The following GULP1 variants were observed in gnomAD, a reference collection of about 807,000 sequenced individuals.
GULP1 encodes PTB domain-containing engulfment adapter protein 1.
A neutral mutation model predicts 40.9 loss-of-function variants in GULP1; 19 were observed. The observed-to-expected ratio is 0.46, with a 90% confidence interval of 0.32 to 0.68. GULP1 has a LOEUF of 0.68. Ranked by LOEUF, GULP1 falls within the 30% of genes least tolerant of loss-of-function variation. The probability of loss-of-function intolerance (pLI) is 0.03; values close to 1 mark genes in which losing one functional copy is unlikely to be tolerated. For synonymous variants in GULP1, 119 were observed against 117.6 expected, an observed-to-expected ratio of 1.01 and a Z score of -0.08; for missense variants, 312 against 362.2, an observed-to-expected ratio of 0.86 and a Z score of 1.12.
At position 188,458,959 on chromosome 2, in the gene GULP1, T is replaced by G. The variant is rs544543099; in HGVS notation, c.-44-18700T>G. On this transcript the variant is annotated intron_variant, in intron 2 of 11. Coordinates refer to ENST00000409830, the MANE Select transcript of GULP1 (RefSeq NM_016315.4). Reference sequence around the variant, plus strand: ...AGATCATGGGGTGTCTGTCTTTCTGTGCCTGGCCTATTTCACTGAACATAA... The same window carrying G: ...AGATCATGGGGTGTCTGTCTTTCTGGGCCTGGCCTATTTCACTGAACATAA... Among the ~76,000 whole-genome samples, 19 of 152,314 alleles carry G rather than the reference T, an allele frequency of 1.2e-4. No individual in the cohort carries two copies. In the South Asian group the frequency reaches 3.1e-3, roughly 25 times the overall value.
At chr2:188,544,747 C>T (rs911673257) in intron 7 of GULP1, among the ~76,000 whole-genome samples, 2 of 151,686 alleles carry the variant, frequency 1.3e-5, no homozygotes, top group African/African-American at 2.4e-5. Flanking sequence ...ACTGTGGGAC[C>T]GTAACAAAAT....
At chr2:188,429,323 C>CA (rs2056585547) in intron 2 of GULP1, among the ~76,000 whole-genome samples, 1 of 152,066 alleles carries the variant, frequency 6.6e-6, no homozygotes, top group Non-Finnish European at 1.5e-5. Flanking sequence ...GCCAACATGG[C>CA]AAAACCCTGT....
Position 188,491,225 on chromosome 2 carries a change from C to G in GULP1, c.90+7733C>G, listed in dbSNP as rs116727587. Among the ~76,000 whole-genome samples, 303 of 151,434 alleles carry G rather than the reference C, an allele frequency of 2.0e-3. 2 individuals are homozygous for G. The highest frequency in any genetic ancestry group is 7.1e-3 in the African/African-American group (292 of 41,256). On this transcript the variant is annotated intron_variant, in intron 4 of 11. Transcript: ENST00000409830. ...GGACTGTGAGACTTAAGGATCTGAG[C>G]AGAAAGGAAAAGTAGAGATTACAGT...
intron 4 of GULP1, among the ~76,000 whole-genome samples, chr2:188,511,031 A>G (rs1311094396): frequency 6.6e-6 from 1 of 152,058 alleles, no homozygotes; most frequent in Non-Finnish European, 1.5e-5. Context: ...ATTCTGTGCT[A>G]GTCGCTGGTT....
rs570731912 is a variant in GULP1 at position 188,327,680 on chromosome 2, T to C, written c.-172+35514T>C. On this transcript the variant is annotated intron_variant, in intron 1 of 11. Coordinates refer to ENST00000409830, the MANE Select transcript of GULP1 (RefSeq NM_016315.4). ...TTCTACTCCTATTTGTCATATTTCTTTTAGTGTAAAAAATGGTGTTAGAGT... is the reference window on the plus strand; with the variant it reads ...TTCTACTCCTATTTGTCATATTTCTCTTAGTGTAAAAAATGGTGTTAGAGT... Among the ~76,000 whole-genome samples, 89 of 152,224 alleles carry C rather than the reference T, an allele frequency of 5.8e-4. 1 individual carries two copies. The highest frequency in any genetic ancestry group is 2.1e-3 in the African/African-American group (89 of 41,562).
At chr2:188,379,548 C>T (rs2048741678) in intron 1 of GULP1, among the ~76,000 whole-genome samples, 1 of 152,100 alleles carries the variant, frequency 6.6e-6, no homozygotes, top group Non-Finnish European at 1.5e-5. Context: ...TTGCTTGTCT[C>T]ATCCCCTCCC....
chr2:188,446,820 A>C (rs1453948290), intron 2 of GULP1, among the ~76,000 whole-genome samples: 1 of 148,312 alleles, frequency 6.7e-6, no homozygotes, highest in Non-Finnish European at 1.5e-5. Context: ...CATTTGACAT[A>C]TTTTGGAATA....
intron 2 of GULP1, among the ~76,000 whole-genome samples, chr2:188,469,594 A>G (rs1489379872): frequency 6.6e-6 from 1 of 152,056 alleles, no homozygotes; most frequent in African/African-American, 2.4e-5. Context: ...AGCAAGAGAG[A>G]GTGAATAGCA....
At chr2:188,555,613 A>C (rs2153389941) in intron 7 of GULP1, among the ~76,000 whole-genome samples, 1 of 152,228 alleles carries the variant, frequency 6.6e-6, no homozygotes, top group African/African-American at 2.4e-5. Context: ...AGGTGACTAG[A>C]CGCTTTCCTC....
intron 11 of GULP1, chr2:188,588,284 G>A (rs1702826401): frequency 8.8e-6 from 2 of 227,984 alleles, no homozygotes; most frequent in Non-Finnish European, 1.8e-5. Context: ...TTTGATCTCA[G>A]TCTTAACAAT....
chr2:188,594,063 T>C lies in GULP1; in HGVS notation c.*52T>C, dbSNP rs769804495. 1.1e-6 allele frequency: 1 copy of C among 890,840 alleles called. No homozygotes were observed. Among genetic ancestry groups the C allele is most frequent in the East Asian group, 2.4e-5 (1 of 41,304 alleles). 55.2% of individuals were successfully genotyped at this position (890,840 alleles called of 1,614,324 possible). A position where few individuals can be genotyped will look rare whatever the true frequency, so the allele number is the denominator to read the frequency against. On this transcript the variant is annotated 3_prime_UTR_variant, in exon 12 of 12. Coordinates refer to ENST00000409830, the MANE Select transcript of GULP1 (RefSeq NM_016315.4). ...TGTTAAATGTGTTTGTATACACATGTCATTTATTATTATTACTTTAAGATA... is the reference window on the plus strand; with the variant it reads ...TGTTAAATGTGTTTGTATACACATGCCATTTATTATTATTACTTTAAGATA...
intron 2 of GULP1, among the ~76,000 whole-genome samples, chr2:188,443,927 TC>T (rs1242464656): frequency 1.3e-5 from 2 of 152,172 alleles, no homozygotes; most frequent in Non-Finnish European, 2.9e-5. Flanking sequence ...TATTTGTTTT[TC>T]TTCAGAAAGG....
At chr2:188,488,861 C>T (rs938301143) in intron 4 of GULP1, among the ~76,000 whole-genome samples, 10 of 151,918 alleles carry the variant, frequency 6.6e-5, no homozygotes, top group Non-Finnish European at 1.3e-4. Context: ...TTGTCCTGGT[C>T]TTAAAATCAA....
At chr2:188,454,771 A>G (rs1344178104) in intron 2 of GULP1, among the ~76,000 whole-genome samples, 1 of 152,244 alleles carries the variant, frequency 6.6e-6, no homozygotes, top group Non-Finnish European at 1.5e-5. Flanking sequence ...CACATTAGGC[A>G]TAGGGACACT....
At chr2:188,466,741 C>G (rs1438024622) in intron 2 of GULP1, among the ~76,000 whole-genome samples, 2 of 152,012 alleles carry the variant, frequency 1.3e-5, no homozygotes, top group African/African-American at 4.8e-5. Context: ...CCTACCCTAC[C>G]TACCAGATCA....
chr2:188,519,119 C>G (rs766993529), intron 4 of GULP1, among the ~76,000 whole-genome samples: 4 of 152,034 alleles, frequency 2.6e-5, no homozygotes, highest in Non-Finnish European at 5.9e-5. Flanking sequence ...TATAGGTTTT[C>G]TAACATTACA....
intron 7 of GULP1, among the ~76,000 whole-genome samples, chr2:188,566,088 G>A (rs1472537086): frequency 6.6e-6 from 1 of 151,994 alleles, no homozygotes; most frequent in Non-Finnish European, 1.5e-5. Flanking sequence ...TAATAAGTTG[G>A]AGATTATATA....
chr2:188,411,351 T>C (rs1165657649), intron 2 of GULP1, among the ~76,000 whole-genome samples: 1 of 152,194 alleles, frequency 6.6e-6, no homozygotes, highest in Non-Finnish European at 1.5e-5. Context: ...TGTTGGTCTC[T>C]GCTGCTGACA....
intron 2 of GULP1, among the ~76,000 whole-genome samples, chr2:188,446,503 G>T (rs1288040111): frequency 1.3e-5 from 2 of 152,054 alleles, no homozygotes; most frequent in Non-Finnish European, 2.9e-5. Flanking sequence ...TGTTCATAGG[G>T]CACAATTCTA....
Sources: gnomAD v4.1 joint callset for allele counts (sites outside exome capture counted in the v4.1 genomes callset) on GRCh38, gnomAD v4.1.1 for gene constraint, MANE v1.5 for transcripts, NCBI Gene and HGNC (gene_info 2026-07-23, HGNC 2026-07-21) for gene names.